The following KBTBD2 variants were observed in gnomAD, a reference collection of about 807,000 sequenced individuals.
The protein encoded by KBTBD2 is kelch repeat and BTB domain-containing protein 2.
In KBTBD2, 17 loss-of-function variants were observed where a neutral mutation model predicts 57.1. That is an observed-to-expected ratio of 0.30 (90% CI 0.20 to 0.45). The LOEUF (loss-of-function observed/expected upper bound fraction) is 0.45. Among genes scored for constraint, KBTBD2 ranks in the 20% least tolerant of loss-of-function variants. The pLI, the probability that KBTBD2 is intolerant of heterozygous loss-of-function variation, is 1.00. For missense variants in KBTBD2, 515 were observed against 750.6 expected, an observed-to-expected ratio of 0.69 and a Z score of 3.67; for synonymous variants, 267 against 262.7, an observed-to-expected ratio of 1.02 and a Z score of -0.16.
chr7:32,874,421 T>A (rs895390660), intron 3 of KBTBD2: 11 of 149,844 alleles, frequency 7.3e-5, no homozygotes, highest in Non-Finnish European at 1.6e-4. Flanking sequence ...TAAATAAAAA[T>A]AAATAAATAA....
chr7:32,868,907 G>A lies in KBTBD2; in HGVS notation c.*438C>T, dbSNP rs1382046612. The A allele has an allele frequency of 6.3e-6, 1 of 159,024 alleles. No individual in the cohort carries two copies. 9.9% of individuals were successfully genotyped at this position (159,024 alleles called of 1,614,324 possible). ...AACACGGACATTAGTGTTAAGTGCAGTTGAATTAATTACACTGAAAACTGT... is the reference window on the plus strand; with the variant it reads ...AACACGGACATTAGTGTTAAGTGCAATTGAATTAATTACACTGAAAACTGT... On this transcript the variant is annotated 3_prime_UTR_variant, in exon 4 of 4. Coordinates refer to ENST00000304056, the MANE Select transcript of KBTBD2 (RefSeq NM_015483.3).
rs1179084176 is a variant in KBTBD2, at chr7:32,870,088, A to T, written c.1129T>A (p.Cys377Ser). The T allele has an allele frequency of 6.2e-7, 1 of 1,614,122 alleles. No individual in the cohort carries two copies. The highest frequency in any genetic ancestry group is 8.5e-7 in the Non-Finnish European group (1 of 1,180,050). The change falls in exon 4 of 4, where the codon TGC (cysteine) becomes AGC (serine). Residue 377 changes from cysteine to serine, a missense_variant. Transcript: ENST00000304056. ...LFVRIKPSLVCCEGYIYAIGG... is the reference protein window; with the variant it reads ...LFVRIKPSLVSCEGYIYAIGG... ...ATTGCATAGATATAGCCTTCACAGCAAACCAAAGATGGCTTTATGCGGACA... is the reference window on the plus strand; with the variant it reads ...ATTGCATAGATATAGCCTTCACAGCTAACCAAAGATGGCTTTATGCGGACA...
chr7:32,880,868 C>A (rs538715501), intron 1 of KBTBD2, among the ~76,000 whole-genome samples: 2 of 152,074 alleles, frequency 1.3e-5, no homozygotes, highest in South Asian at 4.2e-4. Flanking sequence ...TTTGGTAGGC[C>A]GAGGCAGGCG....
At chr7:32,885,933 G>A (rs930469578) in intron 1 of KBTBD2, among the ~76,000 whole-genome samples, 3 of 139,956 alleles carry the variant, frequency 2.1e-5, no homozygotes. Context: ...TTTAAAGACA[G>A]AGTCTCGCTC....
chr7:32,870,199 G>A lies in KBTBD2; in HGVS notation c.1018C>T (p.Leu340Phe), dbSNP rs751293141. The change falls in exon 4 of 4, where the codon CTT becomes TTT. Residue 340 changes from leucine (L) to phenylalanine (F), a missense_variant. Coordinates refer to ENST00000304056, the MANE Select transcript of KBTBD2 (RefSeq NM_015483.3). ...TKTNHSKTSK[L>F]QTAFRTVNCF... is the part of the protein sequence containing the mutation. Reference sequence around the variant, plus strand: ...TTCACAGTTCTGAAGGCAGTCTGAAGTTTGCTTGTTTTACTGTGATTTGTT... The same window carrying A: ...TTCACAGTTCTGAAGGCAGTCTGAAATTTGCTTGTTTTACTGTGATTTGTT... 1.9e-6 allele frequency: 3 copies of A among 1,614,180 alleles called. No individual in the cohort carries two copies. Among genetic ancestry groups the A allele is most frequent in the Non-Finnish European group, 2.5e-6 (3 of 1,180,034 alleles).
At chr7:32,891,884 C>CCCGCCGCCCCCGCCGCCCCCG (rs1784764364), upstream of KBTBD2, 1 of 127,228 alleles carries the variant, frequency 7.9e-6, no homozygotes, top group Non-Finnish European at 1.7e-5. Context: ...GCCCGCCGCC[C>CCCGCCGCCCCCGCCGCCCCCG]CCGCCGCCCC....
intron 3 of KBTBD2, 143 bp from the exon 4 acceptor site, chr7:32,871,023 CT>C: frequency 1.8e-6 from 1 of 568,790 alleles, no homozygotes; most frequent in Non-Finnish European, 3.0e-6. Flanking sequence ...GAGATAAGGT[CT>C]TCTGGTAGTA....
intron 3 of KBTBD2, among the ~76,000 whole-genome samples, chr7:32,873,064 C>A (rs1784220671): frequency 6.6e-6 from 1 of 152,156 alleles, no homozygotes; most frequent in African/African-American, 2.4e-5. Flanking sequence ...ACGAACAGTG[C>A]TCTCCAAATT....
At chr7:32,891,511 CCCG>C (rs1013330402) in intron 1 of KBTBD2, 22 bp downstream of exon 1, 1 of 151,310 alleles carries the variant, frequency 6.6e-6, no homozygotes, top group African/African-American at 2.4e-5. Context: ...TCCCAGCCTG[CCCG>C]GCGCTACTGT....
At chr7:32,874,801 G>A in intron 3 of KBTBD2, 191 bp downstream of exon 3, 1 of 456,692 alleles carries the variant, frequency 2.2e-6, no homozygotes, top group South Asian at 2.7e-5. Flanking sequence ...AGACCAGCCT[G>A]ACCAACATGG....
Position 32,868,566 on chromosome 7 carries a change from G to A in KBTBD2, c.*779C>T, listed in dbSNP as rs1784083975. 2 of 152,656 alleles carry A rather than the reference G, an allele frequency of 1.3e-5. No individual in the cohort carries two copies. The highest frequency in any genetic ancestry group is 2.4e-5 in the African/African-American group (1 of 41,464). The allele number at this position is 152,656 out of a possible 1,614,324, so 9.5% of individuals were successfully genotyped here. A position where few individuals can be genotyped will look rare whatever the true frequency, so the allele number is the denominator to read the frequency against. On this transcript the variant is annotated 3_prime_UTR_variant, in exon 4 of 4. Transcript: ENST00000304056. ...TGGAGAACTACATCAGCAGCAGATA[G>A]TTATATGCATGAGCCAATGTTAACA...
chr7:32,882,197 C>T (rs906727359), intron 1 of KBTBD2, among the ~76,000 whole-genome samples: 15 of 151,934 alleles, frequency 9.9e-5, no homozygotes, highest in African/African-American at 3.6e-4. Context: ...ATATATTTTA[C>T]AGAAATATAT....
At position 32,869,266 on chromosome 7, in the gene KBTBD2, G is replaced by T; in HGVS notation, c.*79C>A. 9.7e-7 allele frequency: 1 copy of T among 1,035,062 alleles called. No individual in the cohort carries two copies. The highest frequency in any genetic ancestry group is 1.4e-6 in the Non-Finnish European group (1 of 706,124). The allele number at this position is 1,035,062 out of a possible 1,614,324, so 64.1% of individuals were successfully genotyped here. On this transcript the variant is annotated 3_prime_UTR_variant, in exon 4 of 4. Transcript: ENST00000304056. Reference sequence around the variant, plus strand: ...ATAGAATTTTATGTACTCATATTTAGTTCTTTCATAGCCTCTTTTGTTTAG... The same window carrying T: ...ATAGAATTTTATGTACTCATATTTATTTCTTTCATAGCCTCTTTTGTTTAG...
rs542989040 is a variant in KBTBD2 at position 32,870,731 on chromosome 7, A to G, written c.486T>C (p.Ala162=). 30 of 1,614,236 alleles carry G rather than the reference A, an allele frequency of 1.9e-5. No individual in the cohort carries two copies. The South Asian group carries it at 2.9e-4, about 15-fold the overall frequency. The change falls in exon 4 of 4, where the codon GCT becomes GCC. Residue 162 remains alanine (A), a synonymous_variant. Coordinates refer to ENST00000304056, the MANE Select transcript of KBTBD2 (RefSeq NM_015483.3). ...AKRMVEHKFT[A]VYHQDAFMQL... The stretch of plus-strand genomic sequence containing the variant: ...GCATGAACGCGTCCTGATGATACAC[A>G]GCAGTGAACTTGTGCTCCACCATTC...
Position 32,869,868 on chromosome 7 carries a change from A to G in KBTBD2, c.1349T>C (p.Val450Ala), listed in dbSNP as rs146892036. 16 of 1,613,582 alleles carry G rather than the reference A, an allele frequency of 9.9e-6. No individual in the cohort carries two copies. Among genetic ancestry groups the G allele is most frequent in the Non-Finnish European group, 1.4e-5 (16 of 1,180,020 alleles). Residue 450 changes from valine (V) to alanine (A), a missense_variant, in exon 4 of 4, where the codon GTA (valine) becomes GCA (alanine). Coordinates refer to ENST00000304056, the MANE Select transcript of KBTBD2 (RefSeq NM_015483.3). The stretch of plus-strand genomic sequence containing the variant: ...ACTAGTCTGTCTCATGGCCATTTCT[A>G]CCCATGAGTCAGACCTTGGAAAATA... The part of the protein sequence containing the change: ...YCYFPRSDSW[V>A]EMAMRQTSRS...
chr7:32,891,938 G>C (rs1784769416), upstream of KBTBD2: 1 of 91,886 alleles, frequency 1.1e-5, no homozygotes, highest in South Asian at 3.9e-4. Context: ...CCCGCGGCCC[G>C]GGAACGCGCG....
chr7:32,872,020 T>A (rs1052024466), intron 3 of KBTBD2, among the ~76,000 whole-genome samples: 1 of 152,162 alleles, frequency 6.6e-6, no homozygotes, highest in African/African-American at 2.4e-5. Flanking sequence ...TTCTGAGAAA[T>A]GCCTGCTTTT....
intron 2 of KBTBD2, among the ~76,000 whole-genome samples, chr7:32,876,588 ACTGGCTAT>A (rs1272737844): frequency 1.3e-5 from 2 of 152,200 alleles, no homozygotes; most frequent in African/African-American, 4.8e-5. Flanking sequence ...AGACAGGAAA[ACTGGCTAT>A]CAGGCTATGA....
At chr7:32,883,086 C>G (rs1784483252) in intron 1 of KBTBD2, among the ~76,000 whole-genome samples, 1 of 151,068 alleles carries the variant, frequency 6.6e-6, no homozygotes, top group African/African-American at 2.4e-5. Flanking sequence ...AATGTGAAAG[C>G]TTGGCCAGGT....
Sources: gnomAD v4.1 joint callset for allele counts (sites outside exome capture counted in the v4.1 genomes callset) on GRCh38, gnomAD v4.1.1 for gene constraint, MANE v1.5 for transcripts, NCBI Gene and HGNC (gene_info 2026-07-23, HGNC 2026-07-21) for gene names.